The following NEDD4L variants were observed in gnomAD, a reference collection of about 807,000 sequenced individuals.
NEDD4L encodes the protein NEDD4 like E3 ubiquitin protein ligase, also known as E3 ubiquitin-protein ligase NEDD4-like.
A neutral mutation model predicts 148.9 loss-of-function variants in NEDD4L; 54 were observed. The observed-to-expected ratio is 0.36, with a 90% confidence interval of 0.29 to 0.45. The LOEUF (loss-of-function observed/expected upper bound fraction) is 0.45, where lower values mean the gene tolerates loss of function less well. Ranked by LOEUF, NEDD4L falls within the 20% of genes least tolerant of loss-of-function variation. The pLI, the probability that NEDD4L is intolerant of heterozygous loss-of-function variation, is 1.00. For synonymous variants in NEDD4L, 433 were observed against 440.7 expected, an observed-to-expected ratio of 0.98 and a Z score of 0.22; for missense variants, 856 against 1,233.8, an observed-to-expected ratio of 0.69 and a Z score of 4.59.
intron 2 of NEDD4L, among the ~76,000 whole-genome samples, chr18:58,214,513 G>T (rs2042933637): frequency 6.6e-6 from 1 of 152,026 alleles, no homozygotes; most frequent in Non-Finnish European, 1.5e-5. Flanking sequence ...GTTACTGTTA[G>T]GGTTACTGCA....
intron 24 of NEDD4L, among the ~76,000 whole-genome samples, chr18:58,378,574 G>T (rs1046678143): frequency 6.6e-6 from 1 of 152,218 alleles, no homozygotes; most frequent in African/African-American, 2.4e-5. Flanking sequence ...GCATGGACTT[G>T]CTGCCTCCCT....
chr18:58,064,429 G>T (rs558462305), intron 1 of NEDD4L, among the ~76,000 whole-genome samples: 1 of 152,104 alleles, frequency 6.6e-6, no homozygotes, highest in Non-Finnish European at 1.5e-5. Context: ...AATGTGACAG[G>T]TGATGCTATT....
At chr18:58,136,438 G>A (rs2032858435) in intron 1 of NEDD4L, among the ~76,000 whole-genome samples, 1 of 152,196 alleles carries the variant, frequency 6.6e-6, no homozygotes, top group African/African-American at 2.4e-5. Flanking sequence ...TTGGAGTAGA[G>A]CAAGAGTAAC....
At chr18:58,217,912 T>C (rs567013501) in intron 2 of NEDD4L, among the ~76,000 whole-genome samples, 1 of 152,344 alleles carries the variant, frequency 6.6e-6, no homozygotes, top group Admixed American at 6.5e-5. Context: ...AAGCTCGTAA[T>C]GTTATTTTTA....
At chr18:58,237,682 T>C (rs527605145) in intron 2 of NEDD4L, among the ~76,000 whole-genome samples, 1 of 152,338 alleles carries the variant, frequency 6.6e-6, no homozygotes, top group East Asian at 1.9e-4. Context: ...TATTAGCACA[T>C]ATTTTATTAG....
intron 23 of NEDD4L, 142 bp from the exon 24 acceptor site, chr18:58,373,032 A>G (rs1484183271): frequency 5.0e-6 from 3 of 604,918 alleles, no homozygotes; most frequent in Non-Finnish European, 9.0e-6. Flanking sequence ...GGTTTGGTTT[A>G]GGTGGAGCAG....
chr18:58,255,057 A>G (rs2048347027), intron 5 of NEDD4L, among the ~76,000 whole-genome samples: 1 of 152,184 alleles, frequency 6.6e-6, no homozygotes, highest in African/African-American at 2.4e-5. Context: ...ACTTGTCATT[A>G]TTCCGTGTGG....
Position 58,148,048 on chromosome 18 carries a change from CT to C in NEDD4L, c.49-17730del, listed in dbSNP as rs34075636. ...AAGGAGTCCACCCCTCTCTCCCCCC[CT>C]TTTTTTTTTGGTCACTGAAATATTT... On this transcript the variant is annotated intron_variant, in intron 1 of 30. Coordinates refer to ENST00000400345, the MANE Select transcript of NEDD4L (RefSeq NM_001144967.3). 1.5e-3 allele frequency among the ~76,000 whole-genome samples: 227 copies of C among 148,426 alleles called. 1 individual carries two copies. The highest frequency in any genetic ancestry group is 3.3e-3 in the African/African-American group (134 of 40,666).
At chr18:58,251,192 C>G (rs192305747) in intron 4 of NEDD4L, among the ~76,000 whole-genome samples, 57 of 152,196 alleles carry the variant, frequency 3.7e-4, no homozygotes, top group Admixed American at 1.4e-3. Flanking sequence ...TAAAGGAGAT[C>G]ATGGGTTGTT....
At chr18:58,376,279 C>A (rs774117923) in intron 24 of NEDD4L, among the ~76,000 whole-genome samples, 1 of 152,078 alleles carries the variant, frequency 6.6e-6, no homozygotes, top group Non-Finnish European at 1.5e-5. Context: ...AAAAACAGTT[C>A]TCAGACCTCC....
intron 1 of NEDD4L, among the ~76,000 whole-genome samples, chr18:58,108,224 G>C (rs527434440): frequency 3.9e-5 from 6 of 152,142 alleles, no homozygotes; most frequent in African/African-American, 1.4e-4. Context: ...TAAAAGCTTT[G>C]GGGTGCCTCA....
intron 1 of NEDD4L, among the ~76,000 whole-genome samples, chr18:58,123,484 C>T (rs887204281): frequency 6.6e-6 from 1 of 152,178 alleles, no homozygotes; most frequent in Non-Finnish European, 1.5e-5. Context: ...TGGTCCCTTC[C>T]TGTAAACAGC....
intron 2 of NEDD4L, among the ~76,000 whole-genome samples, chr18:58,166,886 T>C (rs367905796): frequency 7.2e-5 from 11 of 152,290 alleles, no homozygotes; most frequent in African/African-American, 2.6e-4. Flanking sequence ...GAAGCCCCTT[T>C]CTAGCTAGCT....
chr18:58,107,458 C>G (rs1338524845), intron 1 of NEDD4L, among the ~76,000 whole-genome samples: 1 of 152,194 alleles, frequency 6.6e-6, no homozygotes, highest in Non-Finnish European at 1.5e-5. Context: ...TGGCTGATTC[C>G]TGTAATCCCA....
Position 58,397,488 on chromosome 18 carries a change from A to G in NEDD4L, c.*1219A>G, listed in dbSNP as rs1256728862. 6.6e-6 allele frequency: 1 copy of G among 152,222 alleles called. No individual in the cohort carries two copies. Among genetic ancestry groups the G allele is most frequent in the African/African-American group, 2.4e-5 (1 of 41,448 alleles). 9.4% of individuals were successfully genotyped at this position (152,222 alleles called of 1,614,324 possible). A position where few individuals can be genotyped will look rare whatever the true frequency, so the allele number is the denominator to read the frequency against. On this transcript the variant is annotated 3_prime_UTR_variant, in exon 31 of 31. Transcript: ENST00000400345. ...CCTGGATGTAAAGCTGAGCCTACAG[A>G]CCTGTCCTCACCAACTGTTTTGTGA...
At chr18:58,392,558 A>G (rs1418548091) in intron 30 of NEDD4L, among the ~76,000 whole-genome samples, 1 of 151,636 alleles carries the variant, frequency 6.6e-6, no homozygotes, top group Non-Finnish European at 1.5e-5. Context: ...TATTCGTACC[A>G]TTCACGTGAC....
chr18:58,193,900 G>A (rs4149603), intron 2 of NEDD4L: 2,228 of 152,386 alleles, frequency 0.015, 32 homozygotes, highest in Non-Finnish European at 0.02. Flanking sequence ...GCACTCGGTG[G>A]AGATGCCTGC....
chr18:58,336,391 C>T (rs931355977), intron 13 of NEDD4L, among the ~76,000 whole-genome samples: 1 of 151,946 alleles, frequency 6.6e-6, no homozygotes, highest in Non-Finnish European at 1.5e-5. Flanking sequence ...TCCTGGCTAA[C>T]ACAGTGAAAC....
intron 2 of NEDD4L, among the ~76,000 whole-genome samples, chr18:58,212,556 C>T (rs1402409807): frequency 6.6e-6 from 1 of 152,196 alleles, no homozygotes; most frequent in Non-Finnish European, 1.5e-5. Context: ...CACCGGGTCC[C>T]TCCCGTGACA....
Sources: gnomAD v4.1 joint callset for allele counts (sites outside exome capture counted in the v4.1 genomes callset) on GRCh38, gnomAD v4.1.1 for gene constraint, MANE v1.5 for transcripts, NCBI Gene and HGNC (gene_info 2026-07-23, HGNC 2026-07-21) for gene names.